The following DLC1 variants were observed in gnomAD, a reference collection of about 807,000 sequenced individuals.
DLC1 encodes the protein DLC1 Rho GTPase activating protein.
In DLC1, 54 loss-of-function variants were observed where a neutral mutation model predicts 140.3. That is an observed-to-expected ratio of 0.38 (90% confidence interval 0.31 to 0.48). DLC1 has a LOEUF of 0.48. DLC1 is among the 20% of genes least tolerant of loss of function. The pLI is 0.96. For missense variants in DLC1, 2,536 were observed against 1,907.0 expected (o/e 1.33, Z -6.14); for synonymous variants, 986 against 728.1 (o/e 1.35, Z -5.70).
intron 5 of DLC1, among the ~76,000 whole-genome samples, chr8:13,267,479 G>A (rs1023448932): frequency 1.6e-4 from 24 of 152,132 alleles, no homozygotes; most frequent in African/African-American, 5.3e-4. Flanking sequence ...TAGAGATGAT[G>A]GATCATGATA....
In DLC1 at chr8:13,155,702, C is replaced by T. The variant is rs114301291; in HGVS notation, c.1349-40045G>A. 4.6e-3 allele frequency among the ~76,000 whole-genome samples: 698 copies of T among 151,962 alleles called. 5 individuals carry two copies. The highest frequency in any genetic ancestry group is 0.016 in the African/African-American group (667 of 41,472). Reference sequence around the variant, plus strand: ...AAAATTTTGCTAATTTAGAATTACCCCCAAATCTGAGGTCTCCTGCTAAAT... The same window carrying T: ...AAAATTTTGCTAATTTAGAATTACCTCCAAATCTGAGGTCTCCTGCTAAAT... On this transcript the variant is annotated intron_variant, in intron 5 of 17. Coordinates refer to ENST00000276297, the MANE Select transcript of DLC1 (RefSeq NM_182643.3).
At chr8:13,505,449 A>G (rs1802015367) in intron 1 of DLC1, among the ~76,000 whole-genome samples, 1 of 152,192 alleles carries the variant, frequency 6.6e-6, no homozygotes, top group African/African-American at 2.4e-5. Flanking sequence ...ATTGTGTGCC[A>G]TTTGCTAAGA....
At chr8:13,438,652 T>A (rs945047549) in intron 2 of DLC1, among the ~76,000 whole-genome samples, 1 of 152,292 alleles carries the variant, frequency 6.6e-6, no homozygotes, top group Admixed American at 6.5e-5. Flanking sequence ...ACTTCCCACA[T>A]TGAGTCCTTC....
At chr8:13,417,531 G>A (rs558835250) in intron 2 of DLC1, among the ~76,000 whole-genome samples, 1 of 151,736 alleles carries the variant, frequency 6.6e-6, no homozygotes, top group East Asian at 1.9e-4. Context: ...CCCTACAAAG[G>A]ACATGAACTC....
intron 5 of DLC1, among the ~76,000 whole-genome samples, chr8:13,158,973 C>T (rs1300135538): frequency 2.0e-5 from 3 of 152,072 alleles, no homozygotes; most frequent in Non-Finnish European, 4.4e-5. Flanking sequence ...AGATGGACCA[C>T]TCTGGGAACC....
At chr8:13,176,161 AT>A (rs1458240383) in intron 5 of DLC1, among the ~76,000 whole-genome samples, 1 of 152,098 alleles carries the variant, frequency 6.6e-6, no homozygotes, top group African/African-American at 2.4e-5. Flanking sequence ...ACCTGGTTTG[AT>A]TTTATGGATT....
intron 5 of DLC1, among the ~76,000 whole-genome samples, chr8:13,268,476 C>G (rs1430516029): frequency 3.3e-5 from 5 of 152,060 alleles, no homozygotes; most frequent in African/African-American, 1.2e-4. Context: ...CCTCAAACAC[C>G]TGGGCTCAAG....
intron 16 of DLC1, among the ~76,000 whole-genome samples, chr8:13,087,785 A>C (rs1438016859): frequency 6.6e-6 from 1 of 152,240 alleles, no homozygotes; most frequent in African/African-American, 2.4e-5. Flanking sequence ...TTCTTCTTTC[A>C]GTAATATCTC....
intron 5 of DLC1, among the ~76,000 whole-genome samples, chr8:13,289,232 TG>T: frequency 6.6e-6 from 1 of 152,280 alleles, no homozygotes; most frequent in East Asian, 1.9e-4. Flanking sequence ...GACATTGTTT[TG>T]TTCTGTCACC....
intron 5 of DLC1, among the ~76,000 whole-genome samples, chr8:13,295,367 C>G (rs73663524): frequency 0.019 from 2,891 of 152,304 alleles, 106 homozygotes; most frequent in African/African-American, 0.064. Context: ...AATTTAAGAA[C>G]TCTGTGAGAA....
chr8:13,545,156 A>C (rs1380360517), intron 1 of DLC1, among the ~76,000 whole-genome samples: 1 of 152,122 alleles, frequency 6.6e-6, no homozygotes. Flanking sequence ...TTTATGAACA[A>C]AATATTTGAG....
At chr8:13,584,633 G>T (rs1403429785) in intron 1 of DLC1, 1 of 152,118 alleles carries the variant, frequency 6.6e-6, no homozygotes, top group African/African-American at 2.4e-5. Context: ...CATGCTTTAT[G>T]GGTGCAAGAT....
intron 5 of DLC1, among the ~76,000 whole-genome samples, chr8:13,237,131 C>G (rs989261819): frequency 1.3e-5 from 2 of 149,480 alleles, no homozygotes; most frequent in Non-Finnish European, 3.0e-5. Context: ...TTTCTAAGGA[C>G]CAGTAATGCA....
At chr8:13,482,994 T>C (rs1800805407) in intron 2 of DLC1, among the ~76,000 whole-genome samples, 1 of 152,202 alleles carries the variant, frequency 6.6e-6, no homozygotes, top group Non-Finnish European at 1.5e-5. Flanking sequence ...CAACAGGAAT[T>C]TTTTTCACAA....
At chr8:13,364,309 T>C (rs1400140468) in intron 4 of DLC1, among the ~76,000 whole-genome samples, 3 of 152,168 alleles carry the variant, frequency 2.0e-5, no homozygotes, top group African/African-American at 7.2e-5. Context: ...ACTTTTTTTT[T>C]TTTTTTTTAG....
At chr8:13,273,413 G>T (rs1464206735) in intron 5 of DLC1, among the ~76,000 whole-genome samples, 2 of 152,184 alleles carry the variant, frequency 1.3e-5, no homozygotes, top group African/African-American at 2.4e-5. Context: ...AATGGTTGTA[G>T]AAGATAGGAT....
At chr8:13,257,518 G>A (rs1294829955) in intron 5 of DLC1, among the ~76,000 whole-genome samples, 2 of 151,086 alleles carry the variant, frequency 1.3e-5, no homozygotes, top group Non-Finnish European at 2.9e-5. Context: ...TGGTAGAGAT[G>A]ATCTTGACCA....
chr8:13,197,926 C>T (rs1345365695), intron 5 of DLC1, among the ~76,000 whole-genome samples: 2 of 151,870 alleles, frequency 1.3e-5, no homozygotes, highest in African/African-American at 4.8e-5. Context: ...ATGATACATC[C>T]TTCTAAGAAT....
chr8:13,139,990 C>A (rs1298103774), intron 5 of DLC1, among the ~76,000 whole-genome samples: 4 of 152,140 alleles, frequency 2.6e-5, no homozygotes, highest in Admixed American at 2.6e-4. Context: ...GTGTGACGAT[C>A]ACCGTTATCC....
Sources: allele counts gnomAD v4.1 joint callset (sites outside exome capture counted in the v4.1 genomes callset), GRCh38; gene constraint gnomAD v4.1.1; transcripts MANE v1.5; gene names NCBI Gene and HGNC (gene_info 2026-07-23, HGNC 2026-07-21).